The following HGF variants were observed in gnomAD, a reference collection of about 807,000 sequenced individuals.
HGF encodes the protein hepatocyte growth factor.
Under a neutral mutation model 111.6 loss-of-function variants are expected in HGF, and 39 were observed. The observed-to-expected ratio is 0.35, with a 90% CI of 0.27 to 0.46. HGF has a LOEUF of 0.46. Ranked by LOEUF, HGF falls within the 20% of genes least tolerant of loss-of-function variation. The pLI, the probability that HGF is intolerant of heterozygous loss-of-function variation, is 1.00. For missense variants in HGF, 735 were observed against 910.5 expected, an observed-to-expected ratio of 0.81 and a Z score of 2.48; for synonymous variants, 285 against 294.8, an observed-to-expected ratio of 0.97 and a Z score of 0.34.
chr7:81,716,635 A>G (rs1789719201), intron 11 of HGF, among the ~76,000 whole-genome samples: 1 of 152,140 alleles, frequency 6.6e-6, no homozygotes. Flanking sequence ...TATGAATTAT[A>G]CCAGACATGT....
At chr7:81,708,750 A>C (rs1789496935) in intron 13 of HGF, among the ~76,000 whole-genome samples, 1 of 151,462 alleles carries the variant, frequency 6.6e-6, no homozygotes, top group African/African-American at 2.4e-5. Flanking sequence ...GCCTCTTGAA[A>C]GATTTTCTAT....
intron 7 of HGF, chr7:81,742,655 G>A (rs758846131): frequency 7.7e-5 from 93 of 1,212,456 alleles, no homozygotes; most frequent in Non-Finnish European, 9.4e-5. Context: ...ATAGAGGAGA[G>A]GACCAAGTTC....
chr7:81,717,464 T>C, intron 10 of HGF, 99 bp from the exon 11 acceptor site: 1 of 1,159,458 alleles, frequency 8.6e-7, no homozygotes, highest in Non-Finnish European at 1.3e-6. Context: ...TTACTTTCAC[T>C]GTAGATACAG....
At chr7:81,726,050 C>G (rs949857909) in intron 8 of HGF, 33 bp from the exon 9 acceptor site, 2 of 1,611,854 alleles carry the variant, frequency 1.2e-6, no homozygotes, top group African/African-American at 2.7e-5. Context: ...TGTAAATTGC[C>G]GGAGTTCTTA....
At chr7:81,768,767 C>T (rs892810895) in intron 1 of HGF, among the ~76,000 whole-genome samples, 1 of 152,108 alleles carries the variant, frequency 6.6e-6, no homozygotes, top group Non-Finnish European at 1.5e-5. Context: ...AGAAATCTTA[C>T]CTAAATGCTT....
chr7:81,764,092 ATC>A (rs1789234547), intron 1 of HGF, among the ~76,000 whole-genome samples: 1 of 152,136 alleles, frequency 6.6e-6, no homozygotes, highest in African/African-American at 2.4e-5. Flanking sequence ...CCTGATCTGA[ATC>A]TGTGTTGAAA....
intron 16 of HGF, 52 bp downstream of exon 16, chr7:81,705,595 G>T (rs1789402528): frequency 6.3e-7 from 1 of 1,598,546 alleles, no homozygotes. Context: ...AGACAAATGT[G>T]TTCTTTTTAA....
chr7:81,766,731 C>G (rs1562915633), intron 1 of HGF, among the ~76,000 whole-genome samples: 1 of 152,152 alleles, frequency 6.6e-6, no homozygotes, highest in African/African-American at 2.4e-5. Context: ...CTTCTAGAAG[C>G]CTCATCCTGG....
intron 11 of HGF, among the ~76,000 whole-genome samples, chr7:81,712,886 A>C (rs972305477): frequency 6.6e-6 from 1 of 152,206 alleles, no homozygotes; most frequent in African/African-American, 2.4e-5. Context: ...ATTTTAAATG[A>C]ATAGGTTAAT....
At chr7:81,725,586 A>G (rs1018992768) in intron 9 of HGF, among the ~76,000 whole-genome samples, 1 of 151,866 alleles carries the variant, frequency 6.6e-6, no homozygotes, top group African/African-American at 2.4e-5. Flanking sequence ...TCCCATTCTC[A>G]TTTTTATTTT....
At position 81,701,248 on chromosome 7, in the gene HGF, A is replaced by G. The variant is rs1261722552; in HGVS notation, c.*1333T>C. 6.6e-6 allele frequency: 1 copy of G among 151,506 alleles called. No individual in the cohort carries two copies. The highest frequency in any genetic ancestry group is 1.5e-5 in the Non-Finnish European group (1 of 67,602). 9.4% of individuals were successfully genotyped at this position (151,506 alleles called of 1,614,324 possible). A position where few individuals can be genotyped will look rare whatever the true frequency, so the allele number is the denominator to read the frequency against. ...AGAAAAAATAAACATATCTTGATAA[A>G]ATATCTGATTCAACAGATTCCACTC... On this transcript the variant is annotated 3_prime_UTR_variant, in exon 18 of 18. Coordinates refer to ENST00000222390, the MANE Select transcript of HGF (RefSeq NM_000601.6).
rs2115764561 is a variant in HGF, at chr7:81,705,636, A to T, written c.1864+11T>A. 1 of 1,603,586 alleles carries T rather than the reference A, an allele frequency of 6.2e-7. No homozygotes were observed. Among genetic ancestry groups the T allele is most frequent in the Non-Finnish European group, 8.5e-7 (1 of 1,170,892 alleles). ...AATAAATATGGCCTCATCTTTTGAA[A>T]ACTAGCTTACATCCAGTGTAGCCCC... On this transcript the variant is annotated intron_variant, in intron 16 of 17. Transcript: ENST00000222390.
In HGF at chr7:81,706,438, G is replaced by A. The variant is rs1789429622; in HGVS notation, c.1617-11C>T. The A allele has an allele frequency of 6.2e-7, 1 of 1,604,292 alleles. No individual in the cohort carries two copies. Among genetic ancestry groups the A allele is most frequent in the Admixed American group, 1.7e-5 (1 of 59,754 alleles). On this transcript the variant is annotated splice_polypyrimidine_tract_variant and intron_variant, in intron 14 of 17. Transcript: ENST00000222390. ...TAATCTTTCAAGTCTCTGTTTTGAA[G>A]GAAAAAAATTTAAATGTAAAACATA... is the stretch of plus-strand genomic sequence containing the variant.
chr7:81,715,957 G>A (rs1789701367), intron 11 of HGF, among the ~76,000 whole-genome samples: 1 of 152,114 alleles, frequency 6.6e-6, no homozygotes, highest in Admixed American at 6.5e-5. Context: ...TTAACATTGT[G>A]GTAAAGGATG....
chr7:81,735,260 G>T (rs1787789252), intron 7 of HGF, among the ~76,000 whole-genome samples: 1 of 152,136 alleles, frequency 6.6e-6, no homozygotes, highest in Non-Finnish European at 1.5e-5. Context: ...CTTTTCCCTG[G>T]AATTTATCTA....
At chr7:81,753,781 C>G (rs1289873656) in intron 4 of HGF, among the ~76,000 whole-genome samples, 3 of 152,086 alleles carry the variant, frequency 2.0e-5, no homozygotes, top group South Asian at 4.1e-4. Context: ...ACTTAACTAG[C>G]ATTCCTCATA....
At chr7:81,716,141 G>A (rs1487449427) in intron 11 of HGF, among the ~76,000 whole-genome samples, 2 of 152,048 alleles carry the variant, frequency 1.3e-5, no homozygotes, top group Non-Finnish European at 2.9e-5. Context: ...GCCCTCCAGG[G>A]GACATTGGCA....
At chr7:81,734,820 A>G (rs1787773133) in intron 7 of HGF, among the ~76,000 whole-genome samples, 1 of 152,020 alleles carries the variant, frequency 6.6e-6, no homozygotes, top group Non-Finnish European at 1.5e-5. Context: ...TACGGTTTTC[A>G]CCAAACCCAC....
intron 9 of HGF, among the ~76,000 whole-genome samples, chr7:81,722,801 G>A: frequency 9.8e-6 from 1 of 102,262 alleles, no homozygotes; most frequent in Non-Finnish European, 1.7e-5. Context: ...GCGACAGAGC[G>A]AGATTCTGTC....
Sources: allele counts gnomAD v4.1 joint callset (sites outside exome capture counted in the v4.1 genomes callset), GRCh38; gene constraint gnomAD v4.1.1; transcripts MANE v1.5; gene names NCBI Gene and HGNC (gene_info 2026-07-23, HGNC 2026-07-21).